Variants in EDAR observed in about 807,000 individuals in gnomAD.
EDAR encodes the protein tumor necrosis factor receptor superfamily member EDAR.
In EDAR, 38 loss-of-function variants were observed where a neutral mutation model predicts 51.3. The ratio of observed to expected loss-of-function variants is 0.74; its 90% CI spans 0.57 to 0.97. The LOEUF is 0.97. Ranked by LOEUF, EDAR falls within the 50% of genes least tolerant of loss-of-function variation. EDAR has a pLI of 0.00. For missense variants in EDAR, 528 were observed against 595.0 expected (o/e 0.89, Z 1.17); for synonymous variants, 227 against 242.1 (o/e 0.94, Z 0.58).
In EDAR at chr2:108,930,986, G is replaced by A. The variant is rs777888641; in HGVS notation, c.29C>T (p.Thr10Met). The A allele has an allele frequency of 1.2e-5, 20 of 1,613,896 alleles. 1 individual carries two copies. The highest frequency in any genetic ancestry group is 6.6e-5 in the South Asian group (6 of 91,096). Residue 10 changes from threonine to methionine, a missense_variant, in exon 2 of 12, where the codon ACG (threonine) becomes ATG (methionine). Thr to Met is a moderately conservative substitution (Grantham distance 81, BLOSUM62 -1). Transcript: ENST00000258443. Reference sequence around the variant, plus strand: ...TACCACCAGGACGGGGAGCCAGGGCGTCTGCGTGCAGTCCCCCACATGGGC... The same window carrying A: ...TACCACCAGGACGGGGAGCCAGGGCATCTGCGTGCAGTCCCCCACATGGGC... MAHVGDCTQTPWLPVLVVSL... is the reference protein window; with the variant it reads MAHVGDCTQMPWLPVLVVSL...
intron 1 of EDAR, among the ~76,000 whole-genome samples, chr2:108,973,593 C>T (rs1240451869): frequency 6.6e-6 from 1 of 152,098 alleles, no homozygotes; most frequent in Non-Finnish European, 1.5e-5. Flanking sequence ...TGACTTCTTC[C>T]CTCATCTGCA....
At position 108,939,159 on chromosome 2, in the gene EDAR, C is replaced by T. The variant is rs34277351; in HGVS notation, c.-18-8127G>A. Among the ~76,000 whole-genome samples the T allele has an allele frequency of 2.7e-3, 405 of 152,162 alleles. 3 individuals carry two copies. Among genetic ancestry groups the T allele is most frequent in the Non-Finnish European group, 5.4e-3 (366 of 68,004 alleles). On this transcript the variant is annotated intron_variant, in intron 1 of 11. Coordinates refer to ENST00000258443, the MANE Select transcript of EDAR (RefSeq NM_022336.4). ...AGCCACTCTTCAGCACTTTAATACA[C>T]ATGCCACTCATCCTTCCATTTGTTG...
rs371233610 is a variant in EDAR, at chr2:108,910,992, G to A, written c.610C>T (p.Leu204Phe). ...TTCAGGATGTAGAACATGATGATGA[G>A]GACGATGGCGATGGCCATGATGAAG... ...TIFIMAIAIV[L>F]IIMFYILKTK... is the part of the protein sequence containing the mutation. Residue 204 changes from leucine (L) to phenylalanine (F), a missense_variant, in exon 7 of 12, where the codon CTC (leucine) becomes TTC (phenylalanine). Leu to Phe is a conservative substitution (Grantham distance 22, BLOSUM62 0). Transcript: ENST00000258443. 19 of 1,614,038 alleles carry A rather than the reference G, an allele frequency of 1.2e-5. No homozygotes were observed. In the African/African-American group the frequency reaches 2.4e-4, roughly 20 times the overall value.
chr2:108,984,472 C>T (rs1558848018), intron 1 of EDAR, among the ~76,000 whole-genome samples: 1 of 152,146 alleles, frequency 6.6e-6, no homozygotes, highest in East Asian at 1.9e-4. Context: ...CCTCTCCTCT[C>T]CTTCTGTTCA....
chr2:108,906,615 G>T (rs774597712), intron 10 of EDAR, among the ~76,000 whole-genome samples: 1 of 152,256 alleles, frequency 6.6e-6, no homozygotes, highest in South Asian at 2.1e-4. Context: ...AGACTCGTAA[G>T]ATACTTGGGG....
At chr2:108,967,123 C>T (rs966132702) in intron 1 of EDAR, among the ~76,000 whole-genome samples, 9 of 152,110 alleles carry the variant, frequency 5.9e-5, no homozygotes, top group African/African-American at 9.7e-5. Flanking sequence ...TTAGTAGAGA[C>T]GGAGTTTTGT....
At chr2:108,985,350 C>T (rs1432343035) in intron 1 of EDAR, among the ~76,000 whole-genome samples, 1 of 152,206 alleles carries the variant, frequency 6.6e-6, no homozygotes, top group African/African-American at 2.4e-5. Context: ...TGAAGGCGCG[C>T]CTTCCTACTG....
At chr2:108,922,350 C>T (rs1372830369) in intron 5 of EDAR, among the ~76,000 whole-genome samples, 1 of 152,234 alleles carries the variant, frequency 6.6e-6, no homozygotes, top group African/African-American at 2.4e-5. Flanking sequence ...AGCCGAGCTG[C>T]GGCCTCCTCT....
At chr2:108,951,014 C>A (rs971272139) in intron 1 of EDAR, among the ~76,000 whole-genome samples, 1 of 152,232 alleles carries the variant, frequency 6.6e-6, no homozygotes, top group Non-Finnish European at 1.5e-5. Context: ...TCTGGGAGCA[C>A]TGATGCTTCT....
chr2:108,976,342 G>A (rs980685317), intron 1 of EDAR, among the ~76,000 whole-genome samples: 8 of 152,204 alleles, frequency 5.3e-5, no homozygotes, highest in African/African-American at 1.9e-4. Flanking sequence ...GGTTTGAGAG[G>A]AAGACCACAG....
At chr2:108,934,604 G>A (rs1239269284) in intron 1 of EDAR, among the ~76,000 whole-genome samples, 3 of 152,278 alleles carry the variant, frequency 2.0e-5, no homozygotes, top group Admixed American at 2.0e-4. Flanking sequence ...GTCCAAGAGC[G>A]ACTGGCTGCA....
chr2:108,937,209 A>C (rs962329582), intron 1 of EDAR, among the ~76,000 whole-genome samples: 7 of 152,182 alleles, frequency 4.6e-5, no homozygotes, highest in Admixed American at 3.3e-4. Context: ...CTTCTTTATC[A>C]CTGCACTGAA....
At chr2:108,962,161 CT>C (rs1281783745) in intron 1 of EDAR, among the ~76,000 whole-genome samples, 5 of 152,210 alleles carry the variant, frequency 3.3e-5, no homozygotes, top group Admixed American at 6.5e-5. Context: ...GCCTCTCAGC[CT>C]TTCCTTAGGG....
At position 108,930,171 on chromosome 2, in the gene EDAR, C is replaced by G. The variant is rs753625802; in HGVS notation, c.123G>C (p.Thr41=). The change falls in exon 3 of 12, where the codon ACG becomes ACC. Residue 41 remains threonine, a synonymous_variant. Coordinates refer to ENST00000258443, the MANE Select transcript of EDAR (RefSeq NM_022336.4). ...CGENEYYNQT[T]GLCQECPPCG... is the part of the protein sequence containing the mutation. ...ACGGGGGGCACTCCTGGCACAGCCC[C>G]GTAGTCTGGTTGTAGTACTCGTTCT... 6.2e-7 allele frequency: 1 copy of G among 1,614,022 alleles called. No homozygotes were observed. Among genetic ancestry groups the G allele is most frequent in the South Asian group, 1.1e-5 (1 of 91,084 alleles).
chr2:108,944,294 A>G (rs1243412068), intron 1 of EDAR, among the ~76,000 whole-genome samples: 1 of 152,148 alleles, frequency 6.6e-6, no homozygotes, highest in African/African-American at 2.4e-5. Context: ...TTGTATTTTT[A>G]GTAGAGACGG....
At chr2:108,932,548 A>AG (rs1697386375) in intron 1 of EDAR, among the ~76,000 whole-genome samples, 3 of 151,120 alleles carry the variant, frequency 2.0e-5, no homozygotes, top group African/African-American at 7.3e-5. Flanking sequence ...AAAAAAAAAA[A>AG]AAAAGAAAGA....
Position 108,897,087 on chromosome 2 carries a change from C to G in EDAR, c.1167G>C (p.Gly389=), listed in dbSNP as rs1184954403. 6.2e-7 allele frequency: 1 copy of G among 1,614,052 alleles called. No homozygotes were observed. Among genetic ancestry groups the G allele is most frequent in the Admixed American group, 1.7e-5 (1 of 60,004 alleles). ...AGAGTTGCATGCCGTCTGTCATGCCCCCAATCTCATCCCTCTTCAGGCCGA... is the reference window on the plus strand; with the variant it reads ...AGAGTTGCATGCCGTCTGTCATGCCGCCAATCTCATCCCTCTTCAGGCCGA... ...ESFGLKRDEI[G]GMTDGMQLFD... is the part of the protein sequence containing the mutation. The change falls in exon 12 of 12, where the codon GGG becomes GGC. Residue 389 remains glycine (G), a synonymous_variant. Transcript: ENST00000258443.
intron 1 of EDAR, among the ~76,000 whole-genome samples, chr2:108,966,238 G>C (rs1356419782): frequency 1.3e-5 from 2 of 152,170 alleles, no homozygotes; most frequent in Non-Finnish European, 2.9e-5. Flanking sequence ...CTTGCATGTT[G>C]TTGCCTACTC....
chr2:108,958,049 A>C (rs1697959047), intron 1 of EDAR, among the ~76,000 whole-genome samples: 1 of 152,162 alleles, frequency 6.6e-6, no homozygotes, highest in African/African-American at 2.4e-5. Flanking sequence ...AGGAAGTGCC[A>C]AAGCTGCCAA....
Sources: gnomAD v4.1 joint callset for allele counts (sites outside exome capture counted in the v4.1 genomes callset) on GRCh38, gnomAD v4.1.1 for gene constraint, MANE v1.5 for transcripts, NCBI Gene and HGNC (gene_info 2026-07-23, HGNC 2026-07-21) for gene names.